LCOR: variants seen among roughly 807,000 people sequenced by gnomAD.
LCOR encodes ligand dependent nuclear receptor corepressor.
In LCOR, 14 loss-of-function variants were observed where a neutral mutation model predicts 64.4. The observed-to-expected ratio is 0.22, with a 90% confidence interval of 0.14 to 0.34. The LOEUF (loss-of-function observed/expected upper bound fraction) is 0.34, where lower values mean the gene tolerates loss of function less well. Ranked by LOEUF, LCOR falls within the 10% of genes least tolerant of loss-of-function variation. The pLI is 1.00. For missense variants in LCOR, 1,686 were observed against 1,765.3 expected (o/e 0.96, Z 0.80); for synonymous variants, 643 against 642.5 (o/e 1.00, Z -0.01).
chr10:96,884,875 G>A (rs1846316932), intron 2 of LCOR, among the ~76,000 whole-genome samples: 1 of 152,150 alleles, frequency 6.6e-6, no homozygotes, highest in Admixed American at 6.5e-5. Flanking sequence ...TGCACTCTCA[G>A]CTCTGTCCTC....
intron 4 of LCOR, among the ~76,000 whole-genome samples, chr10:96,908,751 T>C (rs1320717001): frequency 6.6e-6 from 1 of 151,474 alleles, no homozygotes; most frequent in African/African-American, 2.4e-5. Flanking sequence ...AGTCTCACTC[T>C]GTCATCCAGG....
chr10:96,923,770 G>A (rs959801706), intron 4 of LCOR, among the ~76,000 whole-genome samples: 7 of 152,128 alleles, frequency 4.6e-5, no homozygotes, highest in Non-Finnish European at 2.9e-5. Context: ...AGCTATTTCT[G>A]TTACAGTTCT....
At chr10:96,916,678 G>A (rs1021608086) in intron 4 of LCOR, among the ~76,000 whole-genome samples, 33 of 151,084 alleles carry the variant, frequency 2.2e-4, no homozygotes, top group Non-Finnish European at 4.6e-4. Flanking sequence ...ACGGTGGCAC[G>A]ATCTCAGCTC....
At chr10:96,978,349 A>G (rs1848054972) in intron 7 of LCOR, among the ~76,000 whole-genome samples, 1 of 152,232 alleles carries the variant, frequency 6.6e-6, no homozygotes, top group African/African-American at 2.4e-5. Context: ...AGCTTATTCC[A>G]TATGCTGCCT....
At position 96,984,897 on chromosome 10, in the gene LCOR, CA is replaced by C; in HGVS notation, c.4441del (p.Arg1481GlyfsTer11). ...PSRKEKENTNKRPSQSIASET... is the reference protein window; with the variant it reads ...PSRKEKENTNXRPSQSIASET... ...CCAGGAAAGAAAAAGAGAATACAAA[CA>C]AAAGGCCTTCCCAGTCTATTGCCTC... is the stretch of plus-strand genomic sequence containing the variant. On this transcript the variant is annotated frameshift_variant, in exon 8 of 8. Transcript: ENST00000421806. LOFTEE classifies it high-confidence loss of function. The C allele has an allele frequency of 6.2e-7, 1 of 1,613,810 alleles. No homozygotes were observed. The highest frequency in any genetic ancestry group is 8.5e-7 in the Non-Finnish European group (1 of 1,179,970).
chr10:96,933,131 GTC>G (rs1199719402), intron 4 of LCOR, among the ~76,000 whole-genome samples: 3 of 152,194 alleles, frequency 2.0e-5, no homozygotes, highest in African/African-American at 7.2e-5. Flanking sequence ...TTCAGTGTGA[GTC>G]TCATTTAATT....
intron 2 of LCOR, among the ~76,000 whole-genome samples, chr10:96,902,245 G>A (rs191917329): frequency 3.3e-4 from 50 of 152,166 alleles, no homozygotes; most frequent in African/African-American, 1.1e-3. Context: ...GCCATTAGTC[G>A]TGATTAAAGT....
intron 2 of LCOR, among the ~76,000 whole-genome samples, chr10:96,856,819 A>G (rs1335520720): frequency 3.9e-5 from 6 of 151,932 alleles, no homozygotes; most frequent in African/African-American, 1.5e-4. Context: ...TAAGGGCAGC[A>G]GAAAAGAAAT....
intron 2 of LCOR, among the ~76,000 whole-genome samples, chr10:96,897,265 A>C (rs1186236803): frequency 6.6e-6 from 1 of 152,244 alleles, no homozygotes; most frequent in Non-Finnish European, 1.5e-5. Flanking sequence ...GTTAAAAAAG[A>C]GTAGTTAGTG....
intron 2 of LCOR, among the ~76,000 whole-genome samples, chr10:96,901,073 C>A (rs1041132157): frequency 2.6e-4 from 40 of 152,128 alleles, no homozygotes; most frequent in African/African-American, 9.6e-4. Context: ...CCTATAGTCG[C>A]AGCTACTCGG....
chr10:96,952,843 A>T lies in LCOR; in HGVS notation c.332+647A>T, dbSNP rs377646885. Among the ~76,000 whole-genome samples the T allele has an allele frequency of 2.4e-4, 37 of 152,316 alleles. No individual in the cohort carries two copies. In the South Asian group the frequency reaches 7.7e-3, roughly 32 times the overall value. ...AACCAACTAGAAAAGTCAGGTATTA[A>T]TATTAAGACATTTAGATACCATGTT... On this transcript the variant is annotated intron_variant, in intron 7 of 7. Coordinates refer to ENST00000421806, the MANE Select transcript of LCOR (RefSeq NM_001346516.2).
intron 7 of LCOR, chr10:96,958,906 T>TAAAAAAAAAAAAAAAAAAAA (rs74784568): frequency 9.6e-6 from 1 of 103,890 alleles, no homozygotes; most frequent in African/African-American, 3.2e-5. Context: ...AAGAAAAACT[T>TAAAAAAAAAAAAAAAAAAAA]AAAAAAAAAA....
At chr10:96,947,867 AT>A in intron 5 of LCOR, among the ~76,000 whole-genome samples, 1 of 152,062 alleles carries the variant, frequency 6.6e-6, no homozygotes, top group Admixed American at 6.5e-5. Context: ...CATTTCCCTC[AT>A]TTTATTTTTT....
At chr10:96,928,085 A>G (rs980501276) in intron 4 of LCOR, among the ~76,000 whole-genome samples, 3 of 152,164 alleles carry the variant, frequency 2.0e-5, no homozygotes, top group Non-Finnish European at 4.4e-5. Flanking sequence ...CCAACTGATC[A>G]AGTTGGTGGT....
chr10:96,848,551 A>G (rs1372244576), intron 2 of LCOR, among the ~76,000 whole-genome samples: 3 of 152,118 alleles, frequency 2.0e-5, no homozygotes, highest in Admixed American at 6.6e-5. Flanking sequence ...CCAGCTACTC[A>G]GGAGGCTGAG....
At chr10:96,921,485 G>A (rs956532148) in intron 4 of LCOR, among the ~76,000 whole-genome samples, 19 of 151,904 alleles carry the variant, frequency 1.3e-4, no homozygotes, top group African/African-American at 3.6e-4. Context: ...TTTTGGAGAC[G>A]GAGTTTCGCT....
At chr10:96,836,563 A>G (rs941396049) in intron 2 of LCOR, among the ~76,000 whole-genome samples, 4 of 152,236 alleles carry the variant, frequency 2.6e-5, no homozygotes, top group African/African-American at 9.6e-5. Context: ...TAAACCTTAG[A>G]GAAAATGTAA....
At chr10:96,833,174 T>G (rs554375852) in intron 1 of LCOR, 2 of 985,094 alleles carry the variant, frequency 2.0e-6, no homozygotes, top group Non-Finnish European at 2.4e-6. Context: ...TGGGACCGGG[T>G]CCGACCGAGG....
chr10:96,916,125 G>A (rs1356299420), intron 4 of LCOR, among the ~76,000 whole-genome samples: 4 of 151,980 alleles, frequency 2.6e-5, no homozygotes, highest in African/African-American at 7.3e-5. Context: ...TCCGCCTCCC[G>A]GGTTCACCCA....
Sources: gnomAD v4.1 joint callset for allele counts (sites outside exome capture counted in the v4.1 genomes callset) on GRCh38, gnomAD v4.1.1 for gene constraint, MANE v1.5 for transcripts, NCBI Gene and HGNC (gene_info 2026-07-23, HGNC 2026-07-21) for gene names.